ZNF431: variants seen among roughly 807,000 people sequenced by gnomAD.
ZNF431 encodes the protein zinc finger protein 431.
In ZNF431, 34 loss-of-function variants were observed where a neutral mutation model predicts 57.0. The ratio of observed to expected loss-of-function variants is 0.60; its 90% CI spans 0.45 to 0.79. The LOEUF is 0.79. Among genes scored for constraint, ZNF431 ranks in the 30% least tolerant of loss-of-function variants. ZNF431 has a pLI of 0.00. For missense variants in ZNF431, 607 were observed against 667.1 expected, an observed-to-expected ratio of 0.91 and a Z score of 0.99; for synonymous variants, 207 against 220.3, an observed-to-expected ratio of 0.94 and a Z score of 0.54.
chr19:21,142,373 C>G (rs1458066065), intron 1 of ZNF431, among the ~76,000 whole-genome samples, 187 bp downstream of exon 1: 1 of 152,190 alleles, frequency 6.6e-6, no homozygotes, highest in African/African-American at 2.4e-5. Context: ...AGTCGGGACC[C>G]CAGGCGTCCT....
At chr19:21,144,276 A>G (rs1012857438) in intron 2 of ZNF431, among the ~76,000 whole-genome samples, 1 of 151,294 alleles carries the variant, frequency 6.6e-6, no homozygotes, top group Non-Finnish European at 1.5e-5. Flanking sequence ...TTGGCTCACT[A>G]CAACCTCTGT....
At chr19:21,157,746 G>T (rs935256811) in intron 2 of ZNF431, among the ~76,000 whole-genome samples, 7 of 151,774 alleles carry the variant, frequency 4.6e-5, no homozygotes, top group African/African-American at 1.7e-4. Context: ...ATGTTGGCCA[G>T]GTTTCAAACC....
At chr19:21,164,623 GAGA>G (rs1970667575) in intron 2 of ZNF431, among the ~76,000 whole-genome samples, 1 of 152,080 alleles carries the variant, frequency 6.6e-6, no homozygotes, top group South Asian at 2.1e-4. Flanking sequence ...AGGATTTCCA[GAGA>G]AGGAGGAGAA....
intron 2 of ZNF431, among the ~76,000 whole-genome samples, chr19:21,156,260 C>T (rs2144958841): frequency 6.6e-6 from 1 of 152,354 alleles, no homozygotes; most frequent in Non-Finnish European, 1.5e-5. Context: ...TCTCATCTGC[C>T]TACAGGCACA....
intron 2 of ZNF431, among the ~76,000 whole-genome samples, chr19:21,147,148 C>T (rs1277761079): frequency 6.6e-6 from 1 of 152,100 alleles, no homozygotes; most frequent in East Asian, 1.9e-4. Flanking sequence ...TGTTTTTTCT[C>T]TATTCTAATG....
chr19:21,166,290 G>A (rs1437675362), intron 2 of ZNF431, 45 bp from the exon 3 acceptor site: 5 of 1,587,670 alleles, frequency 3.1e-6, no homozygotes, highest in African/African-American at 1.4e-5. Context: ...TCTGCCCATG[G>A]CCACTTGGTA....
intron 2 of ZNF431, chr19:21,162,647 C>G (rs995872016): frequency 1.6e-5 from 14 of 894,250 alleles, no homozygotes; most frequent in Non-Finnish European, 1.9e-5. Flanking sequence ...CTGGCCCCAC[C>G]CTGGAGTCTT....
intron 4 of ZNF431, among the ~76,000 whole-genome samples, chr19:21,180,998 T>G (rs1309031016): frequency 2.6e-5 from 4 of 151,974 alleles, no homozygotes; most frequent in Non-Finnish European, 4.4e-5. Flanking sequence ...TCTCATTATA[T>G]CTGCCTTCAA....
intron 2 of ZNF431, among the ~76,000 whole-genome samples, chr19:21,149,050 T>C (rs1970190928): frequency 6.6e-6 from 1 of 152,246 alleles, no homozygotes; most frequent in Non-Finnish European, 1.5e-5. Flanking sequence ...TACAATATGT[T>C]TGGGCTTTCT....
At position 21,194,159 on chromosome 19, in the gene ZNF431, G is replaced by A. The variant is rs911409206; in HGVS notation, c.*10125G>A. 2.0e-5 allele frequency: 3 copies of A among 152,148 alleles called. No homozygotes were observed. Among genetic ancestry groups the A allele is most frequent in the African/African-American group, 7.2e-5 (3 of 41,440 alleles). The allele number at this position is 152,148 out of a possible 1,614,324, so 9.4% of individuals were successfully genotyped here. A position where few individuals can be genotyped will look rare whatever the true frequency, so the allele number is the denominator to read the frequency against. On this transcript the variant is annotated 3_prime_UTR_variant, in exon 5 of 5. Transcript: ENST00000311048. ...TAAGGTTAAAAATGACTTCAGCAAA[G>A]TCTCAGGATACAAAATTGATATACA...
chr19:21,171,560 T>C (rs976394675), intron 4 of ZNF431, among the ~76,000 whole-genome samples: 8 of 151,906 alleles, frequency 5.3e-5, no homozygotes, highest in African/African-American at 1.9e-4. Flanking sequence ...TCTATAAATA[T>C]GACCCCAATA....
intron 2 of ZNF431, among the ~76,000 whole-genome samples, chr19:21,161,979 G>A (rs1205686329): frequency 6.6e-6 from 1 of 151,208 alleles, no homozygotes; most frequent in Non-Finnish European, 1.5e-5. Context: ...TTGTTTTTTT[G>A]TTTTTTGCTT....
Position 21,149,677 on chromosome 19 carries a change from T to G in ZNF431, c.96+6034T>G, listed in dbSNP as rs767008406. ...CCCAGTTTAGTGGCAAGTTCTTTAG[T>G]CTTTGCCTTTTTGAGCTTGGCGATC... On this transcript the variant is annotated intron_variant, in intron 2 of 4. Coordinates refer to ENST00000311048, the MANE Select transcript of ZNF431 (RefSeq NM_133473.4). 3.5e-4 allele frequency: 201 copies of G among 572,504 alleles called. 2 individuals carry two copies. Among genetic ancestry groups the G allele is most frequent in the Admixed American group, 2.1e-3 (104 of 49,222 alleles). 35.5% of individuals were successfully genotyped at this position (572,504 alleles called of 1,614,324 possible).
chr19:21,143,704 C>T, intron 2 of ZNF431, 61 bp downstream of exon 2: 1 of 1,257,540 alleles, frequency 8.0e-7, no homozygotes, highest in Non-Finnish European at 1.2e-6. Flanking sequence ...CTTGGGGACA[C>T]ATTGCTGGTC....
Position 21,168,100 on chromosome 19 carries a change from G to T in ZNF431, c.319+434G>T, listed in dbSNP as rs1970776341. ...ATTTCTGTTCCATTAGGGGTTTCTT[G>T]TTAATTTTTTTGCATATTTCATCCT... On this transcript the variant is annotated intron_variant, in intron 4 of 4. Transcript: ENST00000311048. 4.6e-5 allele frequency among the ~76,000 whole-genome samples: 7 copies of T among 151,900 alleles called. No individual in the cohort carries two copies. In the South Asian group the frequency reaches 1.5e-3, roughly 32 times the overall value.
chr19:21,169,952 CTT>C (rs1970835325), intron 4 of ZNF431: 2 of 398,002 alleles, frequency 5.0e-6, no homozygotes, highest in Non-Finnish European at 4.4e-6. Context: ...CAGGACCTCT[CTT>C]AGACTGTAAC....
chr19:21,180,112 G>A (rs1479409140), intron 4 of ZNF431, among the ~76,000 whole-genome samples: 1 of 152,110 alleles, frequency 6.6e-6, no homozygotes, highest in Non-Finnish European at 1.5e-5. Context: ...GTCCCAAACT[G>A]TGTCATGACT....
chr19:21,152,612 C>G (rs528242557), intron 2 of ZNF431, among the ~76,000 whole-genome samples: 1 of 152,294 alleles, frequency 6.6e-6, no homozygotes, highest in East Asian at 1.9e-4. Flanking sequence ...TATAACCTTT[C>G]TAAGCTCGGC....
At chr19:21,175,418 T>C in intron 4 of ZNF431, 1 of 696,712 alleles carries the variant, frequency 1.4e-6, no homozygotes, top group Non-Finnish European at 2.6e-6. Context: ...GTTGTTCTTT[T>C]TTTAAGTTTA....
Sources: allele counts gnomAD v4.1 joint callset (sites outside exome capture counted in the v4.1 genomes callset), GRCh38; gene constraint gnomAD v4.1.1; transcripts MANE v1.5; gene names NCBI Gene and HGNC (gene_info 2026-07-23, HGNC 2026-07-21).